Variants in TSHZ3 observed in about 807,000 individuals in gnomAD.
TSHZ3 encodes teashirt homolog 3.
A neutral mutation model predicts 64.5 loss-of-function variants in TSHZ3; 10 were observed. The ratio of observed to expected loss-of-function variants is 0.16; its 90% confidence interval spans 0.10 to 0.26. The LOEUF (loss-of-function observed/expected upper bound fraction) is 0.26. Among genes scored for constraint, TSHZ3 ranks in the 10% least tolerant of loss-of-function variants. TSHZ3 has a pLI of 1.00. For missense variants in TSHZ3, 1,242 were observed against 1,421.7 expected (o/e 0.87, Z 2.03); for synonymous variants, 608 against 593.1 (o/e 1.03, Z -0.36).
intron 1 of TSHZ3, among the ~76,000 whole-genome samples, chr19:31,330,276 T>A (rs1244707507): frequency 6.6e-6 from 1 of 152,194 alleles, no homozygotes; most frequent in East Asian, 1.9e-4. Context: ...TTGAAGCCCC[T>A]CACCTGCCTG....
intron 1 of TSHZ3, among the ~76,000 whole-genome samples, chr19:31,264,927 T>C (rs1297341573): frequency 1.3e-5 from 2 of 152,000 alleles, no homozygotes; most frequent in Non-Finnish European, 1.5e-5. Flanking sequence ...GGACCAGCAG[T>C]TTTTGGGCAG....
chr19:31,335,052 T>C (rs1428888953), intron 1 of TSHZ3, among the ~76,000 whole-genome samples: 1 of 152,174 alleles, frequency 6.6e-6, no homozygotes, highest in Non-Finnish European at 1.5e-5. Flanking sequence ...CGTGAACTTC[T>C]CAAAACTTAA....
At chr19:31,236,408 T>A (rs764617932) in intron 3 of TSHZ3, among the ~76,000 whole-genome samples, 5 of 152,230 alleles carry the variant, frequency 3.3e-5, no homozygotes, top group African/African-American at 1.2e-4. Flanking sequence ...GAGCACCTTT[T>A]CATACACCTG....
intron 5 of TSHZ3, among the ~76,000 whole-genome samples, chr19:31,196,457 A>G (rs1407582066): frequency 7.9e-5 from 12 of 152,010 alleles, no homozygotes; most frequent in Non-Finnish European, 1.0e-4. Context: ...AATTTTGCAG[A>G]CATTAATTAA....
intron 1 of TSHZ3, among the ~76,000 whole-genome samples, chr19:31,252,993 A>C (rs1459452725): frequency 6.6e-6 from 1 of 152,230 alleles, no homozygotes; most frequent in African/African-American, 2.4e-5. Context: ...CAAGTGCTGA[A>C]AATATTCAGT....
At chr19:31,182,138 T>C (rs1411050330) in intron 5 of TSHZ3, among the ~76,000 whole-genome samples, 1 of 152,076 alleles carries the variant, frequency 6.6e-6, no homozygotes, top group Non-Finnish European at 1.5e-5. Flanking sequence ...ACTTGGAGAG[T>C]GAGCTCCATC....
At position 31,269,519 on chromosome 19, in the gene TSHZ3, G is replaced by A. The variant is rs560100629; in HGVS notation, n.64-26644C>T. 9.2e-5 allele frequency among the ~76,000 whole-genome samples: 14 copies of A among 151,734 alleles called. No individual in the cohort carries two copies. The South Asian group carries it at 1.2e-3, about 14-fold the overall frequency. On this transcript the variant is annotated intron_variant and non_coding_transcript_variant, in intron 1 of 6. Coordinates refer to the TSHZ3 transcript ENST00000651361. Reference sequence around the variant, plus strand: ...GGTTTCTGGACACAGGTATGGCCACGGACAAGAGAGTCACATAAAGGAAAA... The same window carrying A: ...GGTTTCTGGACACAGGTATGGCCACAGACAAGAGAGTCACATAAAGGAAAA...
intron 1 of TSHZ3, among the ~76,000 whole-genome samples, chr19:31,342,773 T>C (rs1917475080): frequency 6.6e-6 from 1 of 152,228 alleles, no homozygotes; most frequent in African/African-American, 2.4e-5. Flanking sequence ...ATATATTTTC[T>C]GAATATTGTG....
intron 1 of TSHZ3, among the ~76,000 whole-genome samples, chr19:31,347,530 A>G (rs1647595762): frequency 1.3e-5 from 2 of 152,234 alleles, no homozygotes; most frequent in Non-Finnish European, 2.9e-5. Context: ...GGATTCCTCC[A>G]AAGTTTCAGA....
intron 1 of TSHZ3, among the ~76,000 whole-genome samples, chr19:31,252,537 C>G (rs1459555323): frequency 1.3e-5 from 2 of 152,194 alleles, no homozygotes; most frequent in African/African-American, 4.8e-5. Context: ...ATCCTGAGGT[C>G]AGTTTCCCCA....
chr19:31,216,801 A>T (rs1340889375), intron 4 of TSHZ3, among the ~76,000 whole-genome samples: 2 of 151,350 alleles, frequency 1.3e-5, no homozygotes, highest in Non-Finnish European at 2.9e-5. Flanking sequence ...CGCCTGGCCA[A>T]TTTTTTTTAT....
chr19:31,310,585 A>G (rs935081116), intron 1 of TSHZ3, among the ~76,000 whole-genome samples: 3 of 152,054 alleles, frequency 2.0e-5, no homozygotes, highest in Non-Finnish European at 4.4e-5. Context: ...CAGAATTCAG[A>G]ATGAATGCAG....
intron 3 of TSHZ3, among the ~76,000 whole-genome samples, chr19:31,234,033 T>C (rs1975575768): frequency 6.6e-6 from 1 of 152,106 alleles, no homozygotes; most frequent in Admixed American, 6.6e-5. Flanking sequence ...TATCTAGTCT[T>C]CCCATCCACT....
chr19:31,277,979 G>T lies in TSHZ3; in HGVS notation c.1814C>A (p.Thr605Lys). The change falls in exon 2 of 2, where the codon ACA becomes AAA. Residue 605 changes from threonine (T) to lysine (K), a missense_variant. This residue lies in a region of TSHZ3 where 550 missense variants were observed against 545.1 expected (regional missense o/e 1.01). Transcript: ENST00000240587. The surrounding 1 kb of genome is among the most constrained non-coding windows in gnomAD (Gnocchi z 4.5). ...CAGCTCCTCCATGGCATGAAAGTTTGTCTTGGGCATGGGGGACGTCTGGCT... is the reference window on the plus strand; with the variant it reads ...CAGCTCCTCCATGGCATGAAAGTTTTTCTTGGGCATGGGGGACGTCTGGCT... ...PSSQTSPMPK[T>K]NFHAMEELVK... The T allele has an allele frequency of 1.2e-6, 2 of 1,614,218 alleles. No homozygotes were observed. Among genetic ancestry groups the T allele is most frequent in the Non-Finnish European group, 1.7e-6 (2 of 1,180,024 alleles).
intron 5 of TSHZ3, among the ~76,000 whole-genome samples, chr19:31,184,539 C>G (rs1974773604): frequency 1.3e-5 from 2 of 152,160 alleles, no homozygotes; most frequent in African/African-American, 2.4e-5. Flanking sequence ...GTTAGTAGCC[C>G]TATGCAATTT....
chr19:31,276,922 A>G lies in TSHZ3; in HGVS notation c.2871T>C (p.Leu957=). The change falls in exon 2 of 2, where the codon CTT becomes CTC. Residue 957 remains leucine, a synonymous_variant. Coordinates refer to ENST00000240587, the MANE Select transcript of TSHZ3 (RefSeq NM_020856.4). ...GGAACTTTGTTCCACCTGTCCTTCG[A>G]AGCTGGTATTTCACGTTGGCCAGCC... ...SHWLANVKYQ[L]RRTGGTKFLK... is the part of the protein sequence containing the mutation. 1 of 1,614,250 alleles carries G rather than the reference A, an allele frequency of 6.2e-7. No homozygotes were observed.
At chr19:31,211,028 GT>G (rs1975254046) in intron 4 of TSHZ3, among the ~76,000 whole-genome samples, 1 of 152,192 alleles carries the variant, frequency 6.6e-6, no homozygotes, top group Non-Finnish European at 1.5e-5. Context: ...AGTAAAATAT[GT>G]TAAAATAGTT....
intron 1 of TSHZ3, among the ~76,000 whole-genome samples, chr19:31,334,157 C>T (rs1235802806): frequency 4.6e-5 from 7 of 152,110 alleles, no homozygotes; most frequent in East Asian, 1.9e-4. Context: ...TAGGAACCTC[C>T]GTCACTGTCA....
chr19:31,226,655 C>T (rs1028892346), intron 4 of TSHZ3, among the ~76,000 whole-genome samples: 8 of 152,080 alleles, frequency 5.3e-5, no homozygotes, highest in African/African-American at 1.9e-4. Flanking sequence ...CCATTCTTGC[C>T]TTCCATCTGA....
Sources: gnomAD v4.1 joint callset for allele counts (sites outside exome capture counted in the v4.1 genomes callset) on GRCh38, gnomAD v4.1.1 for gene constraint, gnomAD v4.1.1 regional missense constraint, Gnocchi (gnomAD v3.1) non-coding constraint, MANE v1.5 for transcripts, NCBI Gene and HGNC (gene_info 2026-07-23, HGNC 2026-07-21) for gene names.